CTNNA2: variants seen among roughly 807,000 people sequenced by gnomAD.
The protein encoded by CTNNA2 is catenin alpha-2.
Under a neutral mutation model 101.0 loss-of-function variants are expected in CTNNA2, and 42 were observed. The ratio of observed to expected loss-of-function variants is 0.42; its 90% CI spans 0.32 to 0.54. The LOEUF (loss-of-function observed/expected upper bound fraction) is 0.54. CTNNA2 is among the 20% of genes least tolerant of loss of function. CTNNA2 has a pLI of 0.14. For missense variants in CTNNA2, 871 were observed against 1,223.1 expected (o/e 0.71, Z 4.29); for synonymous variants, 450 against 456.4 (o/e 0.99, Z 0.18).
chr2:79,669,514 T>C (rs140996541), intron 2 of CTNNA2, among the ~76,000 whole-genome samples: 20 of 152,190 alleles, frequency 1.3e-4, no homozygotes, highest in South Asian at 4.1e-4. Context: ...GTTTATTTAG[T>C]GTTAGACGAG....
chr2:79,323,333 A>G (rs933615271), intron 3 of CTNNA2, among the ~76,000 whole-genome samples: 3 of 152,220 alleles, frequency 2.0e-5, no homozygotes, highest in Non-Finnish European at 4.4e-5. Flanking sequence ...AGAAAAGTGC[A>G]TGGATAATTT....
chr2:79,599,002 A>G (rs533655354), intron 1 of CTNNA2, among the ~76,000 whole-genome samples: 1 of 150,872 alleles, frequency 6.6e-6, no homozygotes, highest in Admixed American at 6.6e-5. Context: ...CTATATCTAG[A>G]CCGCTTTTTT....
chr2:80,545,104 C>T (rs762402880), intron 10 of CTNNA2, 30 bp downstream of exon 10: 1 of 1,606,200 alleles, frequency 6.2e-7, no homozygotes, highest in South Asian at 1.1e-5. Flanking sequence ...TTTCAAAAGC[C>T]TGTCAGTGAC....
intron 2 of CTNNA2, among the ~76,000 whole-genome samples, chr2:79,200,234 G>A (rs1351386447): frequency 1.3e-5 from 2 of 151,968 alleles, no homozygotes; most frequent in African/African-American, 4.8e-5. Flanking sequence ...AAATACAAAA[G>A]TCAGCAGGGC....
intron 4 of CTNNA2, among the ~76,000 whole-genome samples, chr2:79,397,664 T>C (rs531302720): frequency 5.3e-5 from 8 of 152,168 alleles, no homozygotes; most frequent in East Asian, 3.9e-4. Flanking sequence ...TTTTTCATTT[T>C]TATTTTTTAT....
At chr2:79,653,219 T>A (rs536309343) in intron 2 of CTNNA2, among the ~76,000 whole-genome samples, 3 of 152,186 alleles carry the variant, frequency 2.0e-5, no homozygotes, top group Non-Finnish European at 4.4e-5. Flanking sequence ...TAGTTCAGAA[T>A]TATTTCTTCA....
chr2:79,539,414 A>G (rs1673274381), intron 1 of CTNNA2, among the ~76,000 whole-genome samples: 2 of 152,210 alleles, frequency 1.3e-5, no homozygotes, highest in Non-Finnish European at 2.9e-5. Flanking sequence ...TCCTCTGGAT[A>G]TAAAGTCATG....
chr2:80,428,321 C>T (rs1681177522), intron 9 of CTNNA2, among the ~76,000 whole-genome samples: 1 of 152,152 alleles, frequency 6.6e-6, no homozygotes, highest in South Asian at 2.1e-4. Context: ...TTTAAAAGTT[C>T]ACAGTGCTGC....
At chr2:80,121,583 A>G (rs1701835598) in intron 7 of CTNNA2, among the ~76,000 whole-genome samples, 1 of 152,170 alleles carries the variant, frequency 6.6e-6, no homozygotes, top group Non-Finnish European at 1.5e-5. Context: ...GCAATCTCGT[A>G]TTGAAGATGA....
intron 7 of CTNNA2, among the ~76,000 whole-genome samples, chr2:80,389,974 A>C (rs1023115659): frequency 6.6e-6 from 1 of 152,226 alleles, no homozygotes; most frequent in Non-Finnish European, 1.5e-5. Context: ...CTTGCAGATC[A>C]AAATAAAGTT....
intron 9 of CTNNA2, among the ~76,000 whole-genome samples, chr2:80,456,002 C>A (rs1245168405): frequency 1.3e-5 from 2 of 152,198 alleles, no homozygotes; most frequent in Non-Finnish European, 2.9e-5. Flanking sequence ...CAAAATGTCC[C>A]TTTTACTGTT....
intron 7 of CTNNA2, among the ~76,000 whole-genome samples, chr2:80,004,552 C>G (rs1693191398): frequency 6.6e-6 from 1 of 152,136 alleles, no homozygotes; most frequent in South Asian, 2.1e-4. Context: ...ATTTTATCTT[C>G]TTGACATAGG....
At chr2:79,298,563 C>T (rs543909979) in intron 2 of CTNNA2, among the ~76,000 whole-genome samples, 1 of 152,292 alleles carries the variant, frequency 6.6e-6, no homozygotes, top group South Asian at 2.1e-4. Flanking sequence ...CTTCAGGAGT[C>T]TCCTTCCTGC....
intron 1 of CTNNA2, among the ~76,000 whole-genome samples, chr2:79,641,486 T>A (rs971607296): frequency 7.2e-5 from 11 of 152,358 alleles, no homozygotes; most frequent in Non-Finnish European, 1.3e-4. Context: ...ACAGTTCTGA[T>A]TTTCAGTTGT....
chr2:79,214,265 G>A (rs530392846), intron 2 of CTNNA2, among the ~76,000 whole-genome samples: 24 of 152,278 alleles, frequency 1.6e-4, no homozygotes, highest in East Asian at 1.2e-3. Flanking sequence ...GTCAGGGTCA[G>A]TCCAAGTGAA....
intron 1 of CTNNA2, among the ~76,000 whole-genome samples, chr2:79,536,574 A>AGTATGTGTGTGTGTGT (rs34403615): frequency 0.093 from 13,599 of 146,606 alleles, 727 homozygotes; most frequent in East Asian, 0.15. Context: ...TCTCTAAAGA[A>AGTATGTGTGTGTGTGT]GTGTGTGTGT....
intron 12 of CTNNA2, among the ~76,000 whole-genome samples, chr2:80,561,978 G>T (rs1285003082): frequency 6.6e-6 from 1 of 151,832 alleles, no homozygotes; most frequent in African/African-American, 2.4e-5. Flanking sequence ...GCCTGGCCAC[G>T]TTTTTTATGT....
intron 9 of CTNNA2, among the ~76,000 whole-genome samples, chr2:80,513,074 C>T (rs924535879): frequency 6.6e-6 from 1 of 152,170 alleles, no homozygotes; most frequent in Non-Finnish European, 1.5e-5. Context: ...CACAAGTGCT[C>T]CTCTCTTGGT....
intron 2 of CTNNA2, among the ~76,000 whole-genome samples, chr2:79,288,986 C>T (rs1329188612): frequency 6.6e-6 from 1 of 152,144 alleles, no homozygotes; most frequent in Non-Finnish European, 1.5e-5. Flanking sequence ...CTACTATAGG[C>T]ATTATGTCTG....
Sources: gnomAD v4.1 joint callset for allele counts (sites outside exome capture counted in the v4.1 genomes callset) on GRCh38, gnomAD v4.1.1 for gene constraint, MANE v1.5 for transcripts, NCBI Gene and HGNC (gene_info 2026-07-23, HGNC 2026-07-21) for gene names.